ADAMTS12: variants seen among roughly 807,000 people sequenced by gnomAD.
ADAMTS12 encodes A disintegrin and metalloproteinase with thrombospondin motifs 12.
Under a neutral mutation model 167.8 loss-of-function variants are expected in ADAMTS12, and 118 were observed. The ratio of observed to expected loss-of-function variants is 0.70; its 90% CI spans 0.61 to 0.82. ADAMTS12 has a LOEUF of 0.82. Ranked by LOEUF, ADAMTS12 falls within the 40% of genes least tolerant of loss-of-function variation. The probability of loss-of-function intolerance (pLI) is 0.00; values close to 1 mark genes in which losing one functional copy is unlikely to be tolerated. For synonymous variants in ADAMTS12, 704 were observed against 716.9 expected (o/e 0.98, Z 0.29); for missense variants, 1,916 against 1,998.8 (o/e 0.96, Z 0.79).
At chr5:33,827,418 G>A (rs980389959) in intron 2 of ADAMTS12, among the ~76,000 whole-genome samples, 2 of 152,038 alleles carry the variant, frequency 1.3e-5, no homozygotes, top group African/African-American at 2.4e-5. Flanking sequence ...AACTCAGCCC[G>A]TTAATACCTT....
intron 10 of ADAMTS12, among the ~76,000 whole-genome samples, 160 bp from the exon 11 acceptor site, chr5:33,642,115 C>T (rs1342703003): frequency 6.6e-6 from 1 of 152,140 alleles, no homozygotes; most frequent in Non-Finnish European, 1.5e-5. Context: ...TAAGTTTCTG[C>T]CAAGAGTCGT....
At chr5:33,583,623 T>C (rs1747189270) in intron 18 of ADAMTS12, among the ~76,000 whole-genome samples, 1 of 152,212 alleles carries the variant, frequency 6.6e-6, no homozygotes, top group South Asian at 2.1e-4. Context: ...TGTACGAGGG[T>C]TCCCTTTTCT....
intron 20 of ADAMTS12, among the ~76,000 whole-genome samples, chr5:33,557,189 C>T (rs2111869240): frequency 6.6e-6 from 1 of 152,328 alleles, no homozygotes; most frequent in South Asian, 2.1e-4. Flanking sequence ...GAGGCTGCAA[C>T]ATACCCTGTC....
At chr5:33,623,683 C>T (rs1035128372) in intron 14 of ADAMTS12, among the ~76,000 whole-genome samples, 1 of 152,210 alleles carries the variant, frequency 6.6e-6, no homozygotes, top group Non-Finnish European at 1.5e-5. Flanking sequence ...GTGGGACCCC[C>T]TCCCAGGGAG....
chr5:33,530,050 G>A (rs987058795), intron 23 of ADAMTS12, among the ~76,000 whole-genome samples: 3 of 151,836 alleles, frequency 2.0e-5, no homozygotes, highest in African/African-American at 7.3e-5. Context: ...CTCCTGAGTA[G>A]TTGGGCCTAC....
chr5:33,724,696 C>T (rs1015583428), intron 3 of ADAMTS12, among the ~76,000 whole-genome samples: 2 of 152,014 alleles, frequency 1.3e-5, no homozygotes, highest in Non-Finnish European at 2.9e-5. Flanking sequence ...GGATTACAGG[C>T]GCCCGCCACC....
At chr5:33,592,649 A>T (rs1268149954) in intron 17 of ADAMTS12, among the ~76,000 whole-genome samples, 1 of 152,114 alleles carries the variant, frequency 6.6e-6, no homozygotes, top group East Asian at 1.9e-4. Flanking sequence ...TGTAATATAT[A>T]TTTTTTTATG....
chr5:33,576,355 TG>T lies in ADAMTS12; in HGVS notation c.3670del (p.Gln1224LysfsTer46). On this transcript the variant is annotated frameshift_variant, in exon 19 of 24. Transcript: ENST00000504830. LOFTEE classifies it high-confidence loss of function. ...CCCAGTTTCGGAAGTAGTGGGCCTT[TG>T]GCTGGGGAGCAGTCCTTCCATTACT... The part of the protein sequence containing the change: ...STVMEGLLPS[Q>X]RPTTSETGTP... 1 of 1,614,172 alleles carries T rather than the reference TG, an allele frequency of 6.2e-7. No homozygotes were observed. The highest frequency in any genetic ancestry group is 8.5e-7 in the Non-Finnish European group (1 of 1,180,024).
chr5:33,529,530 C>CACCTG (rs1743991723), intron 23 of ADAMTS12, among the ~76,000 whole-genome samples: 1 of 152,062 alleles, frequency 6.6e-6, no homozygotes, highest in African/African-American at 2.4e-5. Flanking sequence ...GGCCGCTGTC[C>CACCTG]TTTGTAAAGG....
At position 33,655,790 on chromosome 5, in the gene ADAMTS12, G is replaced by A. The variant is rs1001756660; in HGVS notation, c.1190+2394C>T. On this transcript the variant is annotated intron_variant, in intron 7 of 23. Transcript: ENST00000504830. ...CTAGATTATGCATTAGGTATGCCCC[G>A]AATGCTATCCCTCCCCTTTCCCCTG... 5.3e-5 allele frequency among the ~76,000 whole-genome samples: 8 copies of A among 151,704 alleles called. No individual in the cohort carries two copies. In the East Asian group the frequency reaches 7.7e-4, roughly 15 times the overall value.
chr5:33,602,459 G>C (rs547152622), intron 16 of ADAMTS12, among the ~76,000 whole-genome samples: 1 of 151,944 alleles, frequency 6.6e-6, no homozygotes, highest in Non-Finnish European at 1.5e-5. Context: ...ATCTGAATTC[G>C]TCCTCCTATT....
rs1437726642 is a variant in ADAMTS12 at position 33,693,172 on chromosome 5, AT to A, written c.635-9118del. Among the ~76,000 whole-genome samples, 18 of 152,326 alleles carry A rather than the reference AT, an allele frequency of 1.2e-4. 1 individual carries two copies. The South Asian group carries it at 3.5e-3, about 30-fold the overall frequency. Reference sequence around the variant, plus strand: ...GAACTTAACTGCAGGGCATAAATACATTTATGTTCTTCCCATACTCCCAGAT... The same window carrying A: ...GAACTTAACTGCAGGGCATAAATACATTATGTTCTTCCCATACTCCCAGAT... On this transcript the variant is annotated intron_variant, in intron 3 of 23. Transcript: ENST00000504830.
At chr5:33,601,592 ACTC>A (rs1459393983) in intron 16 of ADAMTS12, among the ~76,000 whole-genome samples, 1 of 151,524 alleles carries the variant, frequency 6.6e-6, no homozygotes, top group African/African-American at 2.4e-5. Context: ...TGTGATGTAA[ACTC>A]CTTCCTACAA....
intron 16 of ADAMTS12, among the ~76,000 whole-genome samples, chr5:33,608,842 G>A (rs1246823482): frequency 2.0e-5 from 3 of 152,182 alleles, no homozygotes; most frequent in Non-Finnish European, 4.4e-5. Context: ...ATCTGATGGA[G>A]GAAATCCAAT....
chr5:33,717,993 G>C (rs983087106), intron 3 of ADAMTS12, among the ~76,000 whole-genome samples: 3 of 152,150 alleles, frequency 2.0e-5, no homozygotes, highest in Admixed American at 1.3e-4. Context: ...CCATTTGTGA[G>C]GCAAAAGTTT....
At chr5:33,631,227 TA>T (rs1739911550) in intron 12 of ADAMTS12, among the ~76,000 whole-genome samples, 1 of 152,190 alleles carries the variant, frequency 6.6e-6, no homozygotes, top group South Asian at 2.1e-4. Flanking sequence ...CTTATAAAAA[TA>T]AGGCACTGGG....
intron 3 of ADAMTS12, among the ~76,000 whole-genome samples, chr5:33,740,611 T>TC (rs1306055608): frequency 6.6e-6 from 1 of 152,138 alleles, no homozygotes; most frequent in Non-Finnish European, 1.5e-5. Flanking sequence ...TATGTCCCAC[T>TC]CCAAGACACT....
chr5:33,804,457 C>G (rs1579950935), intron 2 of ADAMTS12, among the ~76,000 whole-genome samples: 2 of 152,332 alleles, frequency 1.3e-5, no homozygotes, highest in East Asian at 1.9e-4. Context: ...AAGCCCAGCT[C>G]TCTCACAGCT....
intron 2 of ADAMTS12, among the ~76,000 whole-genome samples, chr5:33,778,005 T>C (rs1163307979): frequency 6.6e-6 from 1 of 152,002 alleles, no homozygotes; most frequent in Non-Finnish European, 1.5e-5. Context: ...TGTAAATCAC[T>C]GATGAAAGAA....
Sources: allele counts gnomAD v4.1 joint callset (sites outside exome capture counted in the v4.1 genomes callset), GRCh38; gene constraint gnomAD v4.1.1; transcripts MANE v1.5; gene names NCBI Gene and HGNC (gene_info 2026-07-23, HGNC 2026-07-21).